STARD13: variants seen among roughly 807,000 people sequenced by gnomAD.
The protein encoded by STARD13 is StAR related lipid transfer domain containing 13, also known as stAR-related lipid transfer protein 13.
In STARD13, 62 loss-of-function variants were observed where a neutral mutation model predicts 106.4. The ratio of observed to expected loss-of-function variants is 0.58; its 90% confidence interval spans 0.48 to 0.72. The LOEUF (loss-of-function observed/expected upper bound fraction) is 0.72, where lower values mean the gene tolerates loss of function less well. Ranked by LOEUF, STARD13 falls within the 30% of genes least tolerant of loss-of-function variation. The pLI is 0.00. For missense variants in STARD13, 1,387 were observed against 1,424.0 expected (o/e 0.97, Z 0.42); for synonymous variants, 565 against 553.0 (o/e 1.02, Z -0.31).
the STARD13 span, among the ~76,000 whole-genome samples, chr13:33,447,912 C>T: frequency 2.6e-5 from 4 of 152,022 alleles, no homozygotes; most frequent in African/African-American, 9.7e-5. Flanking sequence ...TATTACAATA[C>T]AGAATTAACT....
At chr13:33,126,928 C>T (rs659685) in intron 6 of STARD13, among the ~76,000 whole-genome samples, 135,681 of 152,274 alleles carry the variant, frequency 0.89, 60,711 homozygotes, top group East Asian at 1. Flanking sequence ...ATTCTTGTTT[C>T]TATTTGCCAA....
intron 1 of STARD13, among the ~76,000 whole-genome samples, chr13:33,310,255 A>G (rs1893080928): frequency 6.6e-6 from 1 of 152,186 alleles, no homozygotes; most frequent in Admixed American, 6.5e-5. Flanking sequence ...CCGGCTGTCA[A>G]TGAGTTTAAG....
In STARD13 at chr13:33,129,594, G is replaced by A. The variant is rs1278258584; in HGVS notation, c.1083C>T (p.Gly361=). 1.2e-6 allele frequency: 2 copies of A among 1,614,042 alleles called. No homozygotes were observed. The highest frequency in any genetic ancestry group is 1.6e-4 in the Middle Eastern group (1 of 6,062). ...RKCHEANKRG[G]MYLEDLDVLA... is the part of the protein sequence containing the mutation. ...GCACATCTAGGTCCTCCAAGTACAT[G>A]CCCCCGCGCTTGTTGGCCTCGTGGC... The change falls in exon 5 of 14, where the codon GGC becomes GGT. Residue 361 remains glycine, a synonymous_variant. Transcript: ENST00000336934.
At chr13:33,476,485 A>C in the STARD13 span, among the ~76,000 whole-genome samples, 1 of 152,226 alleles carries the variant, frequency 6.6e-6, no homozygotes, top group African/African-American at 2.4e-5. Context: ...TTTGTGGTAC[A>C]TTATTTAAGT....
At chr13:33,641,023 CAA>C in the STARD13 span, among the ~76,000 whole-genome samples, 7 of 152,270 alleles carry the variant, frequency 4.6e-5, no homozygotes, top group African/African-American at 1.7e-4. Context: ...TTAGGTTCAA[CAA>C]AGTATGCACA....
At chr13:33,526,908 C>A in the STARD13 span, among the ~76,000 whole-genome samples, 1 of 152,038 alleles carries the variant, frequency 6.6e-6, no homozygotes, top group Non-Finnish European at 1.5e-5. Flanking sequence ...TCCTGAGGAT[C>A]ATGTGACGTG....
the STARD13 span, among the ~76,000 whole-genome samples, chr13:33,499,617 TTC>T: frequency 1.2e-4 from 13 of 111,374 alleles, no homozygotes; most frequent in African/African-American, 5.1e-4. Context: ...CTTCTTCTTC[TTC>T]TTCTTCTTCT....
the STARD13 span, among the ~76,000 whole-genome samples, chr13:33,587,089 G>A: frequency 3.3e-5 from 5 of 152,032 alleles, no homozygotes; most frequent in Non-Finnish European, 5.9e-5. Flanking sequence ...GGTGGCAGGC[G>A]CCTGTAATCC....
At chr13:33,443,712 C>T in the STARD13 span, among the ~76,000 whole-genome samples, 1 of 151,520 alleles carries the variant, frequency 6.6e-6, no homozygotes, top group African/African-American at 2.4e-5. Context: ...GATGAAACCC[C>T]GTCTCTACTG....
At chr13:33,263,129 G>A (rs369753355) in intron 1 of STARD13, among the ~76,000 whole-genome samples, 37 of 152,074 alleles carry the variant, frequency 2.4e-4, no homozygotes, top group South Asian at 6.2e-4. Flanking sequence ...GTAAAGTAGC[G>A]TTTCTCAACA....
the STARD13 span, among the ~76,000 whole-genome samples, chr13:33,452,301 G>A: frequency 0.37 from 56,631 of 151,142 alleles, 10,618 homozygotes; most frequent in Middle Eastern, 0.4. Context: ...GGGGTATGAA[G>A]GCCAGATAAG....
chr13:33,159,144 C>T (rs887031769), intron 3 of STARD13, among the ~76,000 whole-genome samples: 2 of 152,142 alleles, frequency 1.3e-5, no homozygotes, highest in Non-Finnish European at 2.9e-5. Context: ...CCTTATTCCA[C>T]GGTGATGTGG....
chr13:33,356,226 C>T, the STARD13 span, among the ~76,000 whole-genome samples: 2 of 152,296 alleles, frequency 1.3e-5, no homozygotes, highest in Admixed American at 1.3e-4. Context: ...CTTGTGCTAT[C>T]CTTCAGACTG....
the STARD13 span, among the ~76,000 whole-genome samples, chr13:33,376,534 T>G: frequency 3.9e-5 from 6 of 151,906 alleles, no homozygotes; most frequent in African/African-American, 1.5e-4. Context: ...CACTTGAGCC[T>G]GGAAGTTCAT....
chr13:33,207,931 C>T (rs1348903053), intron 1 of STARD13, among the ~76,000 whole-genome samples: 1 of 152,158 alleles, frequency 6.6e-6, no homozygotes, highest in Non-Finnish European at 1.5e-5. Context: ...CACCTCACTG[C>T]CAATGAGCTT....
chr13:33,350,715 C>A (rs1002396689), upstream of STARD13: 1 of 1,039,626 alleles, frequency 9.6e-7, no homozygotes, highest in Non-Finnish European at 1.2e-6. Flanking sequence ...TCCTCCACTC[C>A]CCTCCCTCCC....
the STARD13 span, among the ~76,000 whole-genome samples, chr13:33,396,878 C>T: frequency 8.8e-4 from 134 of 152,294 alleles, no homozygotes; most frequent in African/African-American, 3.1e-3. Flanking sequence ...CTATAATCAC[C>T]CCCAGCTTTC....
chr13:33,173,086 C>A (rs1884155297), intron 1 of STARD13, among the ~76,000 whole-genome samples: 1 of 152,134 alleles, frequency 6.6e-6, no homozygotes, highest in Admixed American at 6.5e-5. Flanking sequence ...CTACGGGTAC[C>A]AGCATAGCAG....
At chr13:33,632,680 C>T in the STARD13 span, among the ~76,000 whole-genome samples, 1 of 152,178 alleles carries the variant, frequency 6.6e-6, no homozygotes, top group East Asian at 1.9e-4. Flanking sequence ...TTCTAGCCTT[C>T]TGATTTGTGG....
Sources: gnomAD v4.1 joint callset for allele counts (sites outside exome capture counted in the v4.1 genomes callset) on GRCh38, gnomAD v4.1.1 for gene constraint, MANE v1.5 for transcripts, NCBI Gene and HGNC (gene_info 2026-07-23, HGNC 2026-07-21) for gene names.